Variants in UBE2Q2 observed in about 807,000 individuals in gnomAD.
The protein encoded by UBE2Q2 is ubiquitin-conjugating enzyme E2 Q2.
UBE2Q2 carries 54 observed loss-of-function variants against 59.9 expected under a neutral mutation model. The observed-to-expected ratio is 0.90, with a 90% CI of 0.72 to 1.13. UBE2Q2 has a LOEUF of 1.13. Among genes scored for constraint, UBE2Q2 ranks in the 50% most tolerant of loss-of-function variants. The pLI is 0.00. For missense variants in UBE2Q2, 433 were observed against 441.9 expected (o/e 0.98, Z 0.18); for synonymous variants, 165 against 155.2 (o/e 1.06, Z -0.47).
intron 1 of UBE2Q2, among the ~76,000 whole-genome samples, chr15:75,847,263 C>T (rs1896401303): frequency 1.3e-5 from 2 of 152,166 alleles, no homozygotes. Context: ...TGTAAGTTAA[C>T]TGCTAAGAAT....
At chr15:75,890,759 T>G (rs1210185722) in intron 10 of UBE2Q2, among the ~76,000 whole-genome samples, 160 bp from the exon 11 acceptor site, 1 of 152,210 alleles carries the variant, frequency 6.6e-6, no homozygotes, top group South Asian at 2.1e-4. Context: ...TTGTTTTTTT[T>G]TGTGAGATTC....
intron 11 of UBE2Q2, among the ~76,000 whole-genome samples, chr15:75,896,462 C>T (rs1567044860): frequency 6.6e-6 from 1 of 152,082 alleles, no homozygotes; most frequent in South Asian, 2.1e-4. Flanking sequence ...GATTTGGCTC[C>T]TTAAAAAGAT....
chr15:75,869,172 T>G (rs559732515), intron 4 of UBE2Q2, among the ~76,000 whole-genome samples, 162 bp downstream of exon 4: 1 of 152,368 alleles, frequency 6.6e-6, no homozygotes, highest in African/African-American at 2.4e-5. Context: ...TACCTCTAAC[T>G]AATGATATGC....
At chr15:75,850,733 AG>A (rs1896594313) in intron 1 of UBE2Q2, among the ~76,000 whole-genome samples, 1 of 152,208 alleles carries the variant, frequency 6.6e-6, no homozygotes. Context: ...GTGGAGGGGA[AG>A]GCAGCAGTTC....
At chr15:75,867,088 C>T (rs1897531656) in intron 3 of UBE2Q2, among the ~76,000 whole-genome samples, 1 of 152,204 alleles carries the variant, frequency 6.6e-6, no homozygotes, top group African/African-American at 2.4e-5. Context: ...CCTCCCCCTC[C>T]TGGTTTGCAG....
intron 4 of UBE2Q2, among the ~76,000 whole-genome samples, chr15:75,869,780 T>C (rs1452713742): frequency 6.6e-5 from 10 of 152,132 alleles, no homozygotes; most frequent in Admixed American, 3.3e-4. Flanking sequence ...ATAGCAAATT[T>C]AGTAGAGTGC....
chr15:75,872,433 T>C (rs1023031807), intron 4 of UBE2Q2, among the ~76,000 whole-genome samples: 1 of 151,986 alleles, frequency 6.6e-6, no homozygotes, highest in African/African-American at 2.4e-5. Flanking sequence ...CTGCATAGAT[T>C]TATATATGTG....
chr15:75,891,247 GTAGA>G (rs753192032), intron 11 of UBE2Q2, among the ~76,000 whole-genome samples: 3 of 152,040 alleles, frequency 2.0e-5, no homozygotes, highest in Non-Finnish European at 2.9e-5. Flanking sequence ...TATATTTGCT[GTAGA>G]TAAACATTAT....
chr15:75,846,600 A>C (rs1403042152), intron 1 of UBE2Q2, among the ~76,000 whole-genome samples: 1 of 152,206 alleles, frequency 6.6e-6, no homozygotes, highest in Non-Finnish European at 1.5e-5. Flanking sequence ...TTAGAAGGGA[A>C]AGATCAAGGG....
At chr15:75,850,995 T>G (rs538516165) in intron 1 of UBE2Q2, among the ~76,000 whole-genome samples, 5 of 152,252 alleles carry the variant, frequency 3.3e-5, no homozygotes, top group African/African-American at 7.2e-5. Flanking sequence ...TGATGTTTGC[T>G]CTGTCATTTG....
At position 75,899,301 on chromosome 15, in the gene UBE2Q2, A is replaced by T. The variant is rs531244664; in HGVS notation, c.1097-126A>T. On this transcript the variant is annotated intron_variant, in intron 12 of 12. Transcript: ENST00000267938. ...AAAAATATATATATAATATATATAT[A>T]TATTTTTTACGGTAGATTTTAAACA... 491 of 298,090 alleles carry T rather than the reference A, an allele frequency of 1.6e-3. 2 individuals are homozygous for T. Among genetic ancestry groups the T allele is most frequent in the East Asian group, 1.7e-3 (15 of 8,836 alleles). 18.5% of individuals were successfully genotyped at this position (298,090 alleles called of 1,614,324 possible).
chr15:75,871,473 G>A (rs1320912620), intron 4 of UBE2Q2, among the ~76,000 whole-genome samples: 2 of 152,220 alleles, frequency 1.3e-5, no homozygotes, highest in African/African-American at 4.8e-5. Context: ...TATCACATGG[G>A]GAGATACCTT....
intron 1 of UBE2Q2, among the ~76,000 whole-genome samples, chr15:75,851,680 C>T (rs1194962767): frequency 2.0e-5 from 3 of 152,112 alleles, no homozygotes; most frequent in African/African-American, 4.8e-5. Context: ...GAAATAACAT[C>T]GTCAGTTATC....
chr15:75,875,913 A>G (rs1898049885), intron 5 of UBE2Q2, among the ~76,000 whole-genome samples: 2 of 151,946 alleles, frequency 1.3e-5, no homozygotes, highest in Non-Finnish European at 2.9e-5. Flanking sequence ...AAAAAATACA[A>G]AATTTAGCTG....
chr15:75,884,755 G>A (rs935157916), intron 9 of UBE2Q2, among the ~76,000 whole-genome samples: 1 of 152,078 alleles, frequency 6.6e-6, no homozygotes, highest in South Asian at 2.1e-4. Flanking sequence ...TGCCTCCTGG[G>A]CTCAAGATAT....
chr15:75,844,069 G>A, intron 1 of UBE2Q2: 1 of 1,409,346 alleles, frequency 7.1e-7, no homozygotes, highest in Non-Finnish European at 9.2e-7. Flanking sequence ...CTCGCCAGGG[G>A]CTGGCTTGGG....
intron 3 of UBE2Q2, among the ~76,000 whole-genome samples, chr15:75,863,043 G>A (rs911174304): frequency 6.6e-6 from 1 of 152,136 alleles, no homozygotes; most frequent in Non-Finnish European, 1.5e-5. Context: ...CTTAGGTTCT[G>A]CTTAAGGAGA....
At chr15:75,847,523 ATTC>A (rs746487047) in intron 1 of UBE2Q2, among the ~76,000 whole-genome samples, 44 of 152,278 alleles carry the variant, frequency 2.9e-4, no homozygotes, top group Non-Finnish European at 5.4e-4. Context: ...AGTCCTTTTT[ATTC>A]TTTTCTGTGA....
At chr15:75,865,907 T>C (rs1364162237) in intron 3 of UBE2Q2, among the ~76,000 whole-genome samples, 1 of 152,144 alleles carries the variant, frequency 6.6e-6, no homozygotes, top group African/African-American at 2.4e-5. Context: ...TCTGACTCTG[T>C]ATAAAGTATT....
Sources: allele counts gnomAD v4.1 joint callset (sites outside exome capture counted in the v4.1 genomes callset), GRCh38; gene constraint gnomAD v4.1.1; transcripts MANE v1.5; gene names NCBI Gene and HGNC (gene_info 2026-07-23, HGNC 2026-07-21).